The following ARHGEF17 variants were observed in gnomAD, a reference collection of about 807,000 sequenced individuals.
ARHGEF17 encodes Rho guanine nucleotide exchange factor 17.
In ARHGEF17, 80 loss-of-function variants were observed where a neutral mutation model predicts 174.0. The ratio of observed to expected loss-of-function variants is 0.46; its 90% CI spans 0.38 to 0.55. The LOEUF is 0.55. Ranked by LOEUF, ARHGEF17 falls within the 20% of genes least tolerant of loss-of-function variation. ARHGEF17 has a pLI of 0.00. For synonymous variants in ARHGEF17, 1,311 were observed against 1,189.1 expected (o/e 1.10, Z -2.11); for missense variants, 2,886 against 2,839.7 (o/e 1.02, Z -0.37).
At chr11:73,342,589 G>T (rs1340004129) in intron 1 of ARHGEF17, among the ~76,000 whole-genome samples, 1 of 152,150 alleles carries the variant, frequency 6.6e-6, no homozygotes, top group African/African-American at 2.4e-5. Flanking sequence ...AGGCCTGAGG[G>T]CAGGTTTCCA....
chr11:73,362,264 C>T (rs1436042217), intron 13 of ARHGEF17, 25 bp downstream of exon 13: 2 of 1,486,582 alleles, frequency 1.3e-6, no homozygotes, highest in Admixed American at 4.6e-5. Flanking sequence ...GCGGGGTGGG[C>T]GGCACCGCGG....
At chr11:73,316,806 A>C (rs1565188381) in intron 1 of ARHGEF17, among the ~76,000 whole-genome samples, 1 of 152,220 alleles carries the variant, frequency 6.6e-6, no homozygotes, top group Non-Finnish European at 1.5e-5. Context: ...GGTCTGACTT[A>C]AGCATTCACA....
intron 10 of ARHGEF17, 63 bp from the exon 11 acceptor site, chr11:73,360,257 T>G: frequency 1.9e-6 from 3 of 1,576,854 alleles, no homozygotes; most frequent in Non-Finnish European, 2.6e-6. Context: ...CCCCACACAT[T>G]AAGGGCAGGT....
At position 73,365,511 on chromosome 11, in the gene ARHGEF17, T is replaced by C. The variant is rs376507874; in HGVS notation, c.5672T>C (p.Phe1891Ser). The change falls in exon 19 of 21, where the codon TTT (phenylalanine) becomes TCT (serine). Residue 1891 changes from phenylalanine to serine, a missense_variant. Physicochemically the swap from Phe to Ser is radical, Grantham distance 155 (BLOSUM62 -2). Transcript: ENST00000263674. The surrounding 1 kb of genome is among the most constrained non-coding windows in gnomAD (Gnocchi z 4.9). Reference protein sequence around the residue: ...AHVCLYHPDTFEQLAEVDVTP... With the variant: ...AHVCLYHPDTSEQLAEVDVTP... ...GTGTGTCTCTACCATCCAGACACCT[T>C]TGAGCAGCTGGCAGAAGTAGACGTC... is the stretch of plus-strand genomic sequence containing the variant. The C allele has an allele frequency of 1.2e-6, 2 of 1,614,000 alleles. No homozygotes were observed. The highest frequency in any genetic ancestry group is 1.7e-6 in the Non-Finnish European group (2 of 1,180,028).
At chr11:73,324,063 C>A (rs1028373112) in intron 1 of ARHGEF17, among the ~76,000 whole-genome samples, 1 of 152,220 alleles carries the variant, frequency 6.6e-6, no homozygotes. Context: ...GACAGAGACC[C>A]CTGGCCAGGG....
chr11:73,347,858 G>A (rs530867621), intron 2 of ARHGEF17, among the ~76,000 whole-genome samples: 3 of 152,310 alleles, frequency 2.0e-5, no homozygotes, highest in East Asian at 1.9e-4. Flanking sequence ...AGGGAGTGCT[G>A]GGGACAGACA....
At chr11:73,322,424 C>G (rs888764451) in intron 1 of ARHGEF17, among the ~76,000 whole-genome samples, 3 of 152,246 alleles carry the variant, frequency 2.0e-5, no homozygotes, top group African/African-American at 4.8e-5. Context: ...GATGGGGAAG[C>G]TGAGGCCCAG....
At chr11:73,323,588 C>T (rs142275359) in intron 1 of ARHGEF17, among the ~76,000 whole-genome samples, 1 of 152,342 alleles carries the variant, frequency 6.6e-6, no homozygotes, top group Non-Finnish European at 1.5e-5. Context: ...AGCCTGCTTC[C>T]CTGTCAGATG....
At chr11:73,328,307 G>A (rs971797238) in intron 1 of ARHGEF17, among the ~76,000 whole-genome samples, 1 of 152,180 alleles carries the variant, frequency 6.6e-6, no homozygotes, top group Non-Finnish European at 1.5e-5. Flanking sequence ...CAGGCTGGGG[G>A]CTCTGCCGGA....
In ARHGEF17 at chr11:73,308,864, C is replaced by T. The variant is rs1398594281; in HGVS notation, c.226C>T (p.Arg76Cys). 1 of 1,353,482 alleles carries T rather than the reference C, an allele frequency of 7.4e-7. No individual in the cohort carries two copies. The highest frequency in any genetic ancestry group is 9.4e-7 in the Non-Finnish European group (1 of 1,059,850). 83.8% of individuals were successfully genotyped at this position (1,353,482 alleles called of 1,614,324 possible). ...CGCCCCCGCGCAGCCGCGCCCGCTC[C>T]GCAGCCTCTCGCCGTCGGTTCGCCA... Reference protein sequence around the residue: ...LAAPAQPRPLRSLSPSVRQLS... With the variant: ...LAAPAQPRPLCSLSPSVRQLS... The change falls in exon 1 of 21, where the codon CGC becomes TGC. Residue 76 changes from arginine to cysteine, a missense_variant. Arg to Cys is a radical substitution (Grantham distance 180). This residue lies in a region of ARHGEF17 where 1,728 missense variants were observed against 1,461.2 expected (regional missense o/e 1.18). Coordinates refer to ENST00000263674, the MANE Select transcript of ARHGEF17 (RefSeq NM_014786.4).
chr11:73,360,095 G>T (rs150911251), intron 10 of ARHGEF17, 143 bp downstream of exon 10: 2 of 933,546 alleles, frequency 2.1e-6, no homozygotes, highest in Non-Finnish European at 3.2e-6. Flanking sequence ...GCCTCCCTGC[G>T]TATGGGGGAA....
At chr11:73,322,549 G>A (rs1473304960) in intron 1 of ARHGEF17, among the ~76,000 whole-genome samples, 2 of 152,308 alleles carry the variant, frequency 1.3e-5, no homozygotes, top group South Asian at 2.1e-4. Context: ...TTCTTGAGAA[G>A]TGCAGTGACG....
rs1865580598 is a variant in ARHGEF17 at position 73,352,966 on chromosome 11, A to G, written c.3407A>G (p.Gln1136Arg). 1.2e-6 allele frequency: 2 copies of G among 1,613,986 alleles called. No homozygotes were observed. Among genetic ancestry groups the G allele is most frequent in the African/African-American group, 1.3e-5 (1 of 74,934 alleles). The change falls in exon 3 of 21, where the codon CAG becomes CGG. Residue 1136 changes from glutamine to arginine, a missense_variant. Gln to Arg is a conservative substitution (Grantham distance 43). Around this residue, in one of 4 missense-constraint regions of ARHGEF17, gnomAD observed 353 missense variants for 470.3 expected, o/e 0.75. Transcript: ENST00000263674. ...CTGGAGCAGGTTCGGCACTGCATGC[A>G]GACCTGGCATGCCCAGCAGAAGGTG... ...QFLEQVRHCM[Q>R]TWHAQQKVGA...
Position 73,359,881 on chromosome 11 carries a change from C to T in ARHGEF17, c.4135C>T (p.Arg1379Cys), listed in dbSNP as rs139549146. 48 of 1,613,414 alleles carry T rather than the reference C, an allele frequency of 3.0e-5. No homozygotes were observed. Among genetic ancestry groups the T allele is most frequent in the East Asian group, 1.1e-4 (5 of 44,874 alleles). ...GGAGAACATCCAGAAGGCCATCAGC[C>T]GCCTTGATGAGGACCTCACCACCCT... Reference protein sequence around the residue: ...NRENIQKAISRLDEDLTTLGQ... With the variant: ...NRENIQKAISCLDEDLTTLGQ... The change falls in exon 10 of 21, where the codon CGC becomes TGC. Residue 1379 changes from arginine to cysteine, a missense_variant. This residue lies in a region of ARHGEF17 where 353 missense variants were observed against 470.3 expected (regional missense o/e 0.75). Transcript: ENST00000263674.
chr11:73,363,942 G>T (rs1289352557), intron 16 of ARHGEF17, 109 bp downstream of exon 16: 1 of 1,294,270 alleles, frequency 7.7e-7, no homozygotes, highest in East Asian at 2.4e-5. Flanking sequence ...CTGTGTGGAG[G>T]CTGGAAGCCA....
chr11:73,318,012 G>C lies in ARHGEF17; in HGVS notation c.3192+6182G>C, dbSNP rs1251323106. Among the ~76,000 whole-genome samples, 9 of 152,198 alleles carry C rather than the reference G, an allele frequency of 5.9e-5. No homozygotes were observed. In the East Asian group the frequency reaches 1.7e-3, roughly 29 times the overall value. ...CTTCAATAAGTTCCATCCCCCTTCA[G>C]AGCCACAGAGCTGTCCATGCTCTTG... On this transcript the variant is annotated intron_variant, in intron 1 of 20. Coordinates refer to ENST00000263674, the MANE Select transcript of ARHGEF17 (RefSeq NM_014786.4).
chr11:73,309,523 C>G lies in ARHGEF17; in HGVS notation c.885C>G (p.Leu295=). 1 of 1,570,594 alleles carries G rather than the reference C, an allele frequency of 6.4e-7. No homozygotes were observed. Among genetic ancestry groups the G allele is most frequent in the South Asian group, 1.1e-5 (1 of 87,306 alleles). ...ACCGCTGGGGAGGGAGGCCCGGGCT[C>G]AGGCCTGGAAGCTCCCTATTGGATC... ...GGHRWGGRPG[L]RPGSSLLDQD... Residue 295 remains leucine, a synonymous_variant, in exon 1 of 21, where the codon CTC becomes CTG. Transcript: ENST00000263674.
chr11:73,365,296 G>T lies in ARHGEF17; in HGVS notation c.5551-94G>T. The T allele has an allele frequency of 2.1e-6, 3 of 1,438,152 alleles. No homozygotes were observed. The highest frequency in any genetic ancestry group is 2.9e-6 in the Non-Finnish European group (3 of 1,042,626). 89.1% of individuals were successfully genotyped at this position (1,438,152 alleles called of 1,614,324 possible). Reference sequence around the variant, plus strand: ...AGACCAAGGACCAACGCTAGTGTGAGTTGTGAGGGATGGACACTGGTGAAG... The same window carrying T: ...AGACCAAGGACCAACGCTAGTGTGATTTGTGAGGGATGGACACTGGTGAAG... On this transcript the variant is annotated intron_variant, in intron 18 of 20. Coordinates refer to ENST00000263674, the MANE Select transcript of ARHGEF17 (RefSeq NM_014786.4). This position sits in a 1 kb window ranked among gnomAD's most constrained non-coding sequence, Gnocchi z 4.9.
rs149464935 is a variant in ARHGEF17, at chr11:73,320,909, G to A, written c.3192+9079G>A. On this transcript the variant is annotated intron_variant, in intron 1 of 20. Coordinates refer to ENST00000263674, the MANE Select transcript of ARHGEF17 (RefSeq NM_014786.4). ...ACTCCTGAGCTCAAGTAATCTTCCC[G>A]CCTTGGCCTCCCAAAGTGCTGGGAT... Among the ~76,000 whole-genome samples, 700 of 152,174 alleles carry A rather than the reference G, an allele frequency of 4.6e-3. 10 individuals are homozygous for A. Among genetic ancestry groups the A allele is most frequent in the African/African-American group, 0.016 (659 of 41,508 alleles).
Sources: allele counts gnomAD v4.1 joint callset (sites outside exome capture counted in the v4.1 genomes callset), GRCh38; gene constraint gnomAD v4.1.1; regional missense constraint gnomAD v4.1.1; non-coding constraint Gnocchi (gnomAD v3.1); transcripts MANE v1.5; gene names NCBI Gene and HGNC (gene_info 2026-07-23, HGNC 2026-07-21).